The following MALRD1 variants were observed in gnomAD, a reference collection of about 807,000 sequenced individuals.
MALRD1 encodes the protein MAM and LDL receptor class A domain containing 1.
A neutral mutation model predicts 242.1 loss-of-function variants in MALRD1; 247 were observed. That is an observed-to-expected ratio of 1.02 (90% CI 0.92 to 1.13). The LOEUF is 1.13. MALRD1 is among the 50% of genes most tolerant of loss of function. The probability of loss-of-function intolerance (pLI) is 0.00; values close to 1 mark genes in which losing one functional copy is unlikely to be tolerated. For synonymous variants in MALRD1, 995 were observed against 866.6 expected, an observed-to-expected ratio of 1.15 and a Z score of -2.60; for missense variants, 2,989 against 2,533.1, an observed-to-expected ratio of 1.18 and a Z score of -3.86.
intron 31 of MALRD1, among the ~76,000 whole-genome samples, chr10:19,503,682 A>G (rs944182021): frequency 1.3e-5 from 2 of 152,186 alleles, no homozygotes; most frequent in Non-Finnish European, 2.9e-5. Flanking sequence ...CATCTCCACA[A>G]TTAGACTATC....
At chr10:19,444,384 A>T (rs892178833) in intron 28 of MALRD1, among the ~76,000 whole-genome samples, 5 of 152,164 alleles carry the variant, frequency 3.3e-5, no homozygotes, top group Admixed American at 2.0e-4. Context: ...TCGTTAGTTG[A>T]TGCAGTTTCT....
At chr10:19,512,369 A>C (rs1223862876) in intron 31 of MALRD1, among the ~76,000 whole-genome samples, 1 of 152,214 alleles carries the variant, frequency 6.6e-6, no homozygotes, top group African/African-American at 2.4e-5. Flanking sequence ...TCCAGGGAGA[A>C]TAGATATTAT....
intron 29 of MALRD1, among the ~76,000 whole-genome samples, chr10:19,461,205 A>C (rs1440384497): frequency 6.6e-6 from 1 of 152,162 alleles, no homozygotes; most frequent in Admixed American, 6.6e-5. Context: ...AAGAATGTTT[A>C]GTATGGAATG....
Position 19,722,619 on chromosome 10 carries a change from A to AAAAAAAAAC in MALRD1, c.6315-8087_6315-8086insAAAAAAAAC, listed in dbSNP as rs57292963. On this transcript the variant is annotated intron_variant, in intron 38 of 39. Coordinates refer to ENST00000454679, the MANE Select transcript of MALRD1 (RefSeq NM_001142308.3). The stretch of plus-strand genomic sequence containing the variant: ...AAAAAAAAAAAAAAAAAAAAAAAAA[A>AAAAAAAAAC]GGTGGAAAAAATTTAAAATACTACA... The AAAAAAAAAC allele has an allele frequency of 2.1e-5, 3 of 144,556 alleles. No homozygotes were observed. The East Asian group carries it at 6.1e-4, about 29-fold the overall frequency. The allele number at this position is 144,556 out of a possible 1,614,324, so 9.0% of individuals were successfully genotyped here.
intron 21 of MALRD1, among the ~76,000 whole-genome samples, chr10:19,290,862 T>C (rs1841384919): frequency 6.6e-6 from 1 of 152,162 alleles, no homozygotes; most frequent in South Asian, 2.1e-4. Flanking sequence ...TGTGTAATGA[T>C]TCCTCTCAGT....
At chr10:19,372,159 T>C (rs1406649346) in intron 26 of MALRD1, among the ~76,000 whole-genome samples, 2 of 152,198 alleles carry the variant, frequency 1.3e-5, no homozygotes, top group East Asian at 1.9e-4. Context: ...AAATATAACA[T>C]ACTATATGAC....
chr10:19,065,287 C>CAAAAAAAAAA lies in MALRD1; in HGVS notation c.200-1419_200-1410dup, dbSNP rs1197670439. Among the ~76,000 whole-genome samples, 165 of 50,602 alleles carry CAAAAAAAAAA rather than the reference C, an allele frequency of 3.3e-3. 5 individuals carry two copies. Among genetic ancestry groups the CAAAAAAAAAA allele is most frequent in the African/African-American group, 0.014 (156 of 11,254 alleles). The allele number at this position is 50,602 out of a possible 152,430, so 33.2% of individuals were successfully genotyped here. ...GGGCAACAAGAGCAAAACGCTGTCT[C>CAAAAAAAAAA]AAAAAAAAAAAAAAAAAAAAAAGGA... On this transcript the variant is annotated intron_variant, in intron 1 of 39. Transcript: ENST00000454679.
intron 18 of MALRD1, among the ~76,000 whole-genome samples, chr10:19,248,124 A>G (rs1190888599): frequency 6.6e-6 from 1 of 152,064 alleles, no homozygotes; most frequent in Non-Finnish European, 1.5e-5. Flanking sequence ...TTACAAGAGT[A>G]TACTCTTAGA....
chr10:19,652,900 A>G (rs931309961), intron 36 of MALRD1, among the ~76,000 whole-genome samples: 1 of 152,194 alleles, frequency 6.6e-6, no homozygotes, highest in African/African-American at 2.4e-5. Context: ...CCACCATGCA[A>G]CGTTGCTTCT....
At chr10:19,107,132 A>G (rs1468120134) in intron 5 of MALRD1, among the ~76,000 whole-genome samples, 3 of 152,010 alleles carry the variant, frequency 2.0e-5, no homozygotes, top group African/African-American at 7.2e-5. Flanking sequence ...CTGCAAATAT[A>G]TTTTAGGTTT....
chr10:19,338,956 A>G lies in MALRD1; in HGVS notation c.3901+7374A>G, dbSNP rs375205796. 1.8e-4 allele frequency among the ~76,000 whole-genome samples: 27 copies of G among 150,544 alleles called. No individual in the cohort carries two copies. The East Asian group carries it at 1.9e-3, about 11-fold the overall frequency. ...ATGCTAGTATATACATATACTAGTT[A>G]TATACTATATATACAACTATGTGTA... On this transcript the variant is annotated intron_variant, in intron 24 of 39. Coordinates refer to ENST00000454679, the MANE Select transcript of MALRD1 (RefSeq NM_001142308.3).
intron 11 of MALRD1, among the ~76,000 whole-genome samples, chr10:19,149,107 T>TCTATCTAC (rs1554798083): frequency 6.6e-6 from 1 of 151,514 alleles, no homozygotes; most frequent in Admixed American, 6.6e-5. Flanking sequence ...TATCTATCTA[T>TCTATCTAC]CTATCTATCT....
intron 33 of MALRD1, among the ~76,000 whole-genome samples, chr10:19,576,813 C>A (rs1244077326): frequency 6.6e-6 from 1 of 152,138 alleles, no homozygotes; most frequent in Non-Finnish European, 1.5e-5. Flanking sequence ...ATGAATTTAT[C>A]CTTAATCCTC....
rs920281441 is a variant in MALRD1, at chr10:19,124,633, A to C, written c.906A>C (p.Glu302Asp). Residue 302 changes from glutamate to aspartate, a missense_variant, in exon 7 of 40, where the codon GAA becomes GAC. Transcript: ENST00000454679. ...RTKAREIPAF[E>D]STPQQDQGGD... ...AAGCGAGAGAGATCCCTGCATTCGA[A>C]TCCACACCTCAGCAGGATCAAGGAG... is the stretch of plus-strand genomic sequence containing the variant. 2 of 1,233,722 alleles carry C rather than the reference A, an allele frequency of 1.6e-6. No homozygotes were observed. Among genetic ancestry groups the C allele is most frequent in the Non-Finnish European group, 2.0e-6 (2 of 988,132 alleles). 76.4% of individuals were successfully genotyped at this position (1,233,722 alleles called of 1,614,324 possible).
At chr10:19,560,364 A>T (rs1835908519) in intron 32 of MALRD1, among the ~76,000 whole-genome samples, 1 of 152,186 alleles carries the variant, frequency 6.6e-6, no homozygotes, top group Admixed American at 6.5e-5. Context: ...GCTACTTGGG[A>T]GGCTGAGGCA....
In MALRD1 at chr10:19,486,989, C is replaced by T. The variant is rs1413393712; in HGVS notation, c.5030-4528C>T. On this transcript the variant is annotated intron_variant, in intron 29 of 39. Coordinates refer to ENST00000454679, the MANE Select transcript of MALRD1 (RefSeq NM_001142308.3). ...TTTCTTATGGCTGCATTATTTTCCA[C>T]GGCCTTCATAGGATCTTTCAGTTTC... is the stretch of plus-strand genomic sequence containing the variant. Among the ~76,000 whole-genome samples, 5 of 152,214 alleles carry T rather than the reference C, an allele frequency of 3.3e-5. No individual in the cohort carries two copies. The South Asian group carries it at 6.2e-4, about 19-fold the overall frequency.
intron 14 of MALRD1, among the ~76,000 whole-genome samples, chr10:19,190,685 A>G (rs1269042663): frequency 6.6e-6 from 1 of 150,602 alleles, no homozygotes; most frequent in Admixed American, 6.6e-5. Flanking sequence ...TGGCAAAGGT[A>G]CCAACACCAT....
intron 29 of MALRD1, among the ~76,000 whole-genome samples, chr10:19,462,244 T>C (rs1403043401): frequency 6.6e-6 from 1 of 152,230 alleles, no homozygotes; most frequent in Non-Finnish European, 1.5e-5. Context: ...CATCTCCACC[T>C]ACTTCCTTTA....
At chr10:19,657,741 T>C (rs1032446500) in intron 36 of MALRD1, among the ~76,000 whole-genome samples, 2 of 152,152 alleles carry the variant, frequency 1.3e-5, no homozygotes, top group African/African-American at 4.8e-5. Flanking sequence ...AGTTAATTAT[T>C]ATTGACTATA....
Sources: allele counts gnomAD v4.1 joint callset (sites outside exome capture counted in the v4.1 genomes callset), GRCh38; gene constraint gnomAD v4.1.1; transcripts MANE v1.5; gene names NCBI Gene and HGNC (gene_info 2026-07-23, HGNC 2026-07-21).